Variants in DOCK8 observed in about 807,000 individuals in gnomAD.
DOCK8 encodes the protein dedicator of cytokinesis 8, also known as dedicator of cytokinesis protein 8.
A neutral mutation model predicts 245.6 loss-of-function variants in DOCK8; 141 were observed. The observed-to-expected ratio is 0.57, with a 90% confidence interval of 0.50 to 0.66. The LOEUF is 0.66. Among genes scored for constraint, DOCK8 ranks in the 30% least tolerant of loss-of-function variants. DOCK8 has a pLI of 0.00. For missense variants in DOCK8, 2,965 were observed against 2,603.4 expected, an observed-to-expected ratio of 1.14 and a Z score of -3.02; for synonymous variants, 1,168 against 970.2, an observed-to-expected ratio of 1.20 and a Z score of -3.79.
Position 302,202 on chromosome 9 carries a change from A to G in DOCK8, c.405-2379A>G, listed in dbSNP as rs1278179823. Among the ~76,000 whole-genome samples the G allele has an allele frequency of 4.6e-5, 7 of 152,340 alleles. No individual in the cohort carries two copies. The East Asian group carries it at 9.6e-4, about 21-fold the overall frequency. The stretch of plus-strand genomic sequence containing the variant: ...GAACCAGAAATAAAGCTGCACGCCT[A>G]CAGCCATCTGATCTTTGACGAAGTT... On this transcript the variant is annotated intron_variant, in intron 4 of 47. Transcript: ENST00000432829.
rs78376190 is a variant in DOCK8 at position 414,276 on chromosome 9, A to G, written c.3531-506A>G. Among the ~76,000 whole-genome samples, 148 of 152,394 alleles carry G rather than the reference A, an allele frequency of 9.7e-4. 2 individuals carry two copies. The East Asian group carries it at 0.025, about 26-fold the overall frequency. On this transcript the variant is annotated intron_variant, in intron 28 of 47. Transcript: ENST00000432829. Reference sequence around the variant, plus strand: ...AAGTCACAATAGCTCAAAAGCAGAAACAATCCAAATGTTTATCAGTTGATG... The same window carrying G: ...AAGTCACAATAGCTCAAAAGCAGAAGCAATCCAAATGTTTATCAGTTGATG...
chr9:329,522 T>C (rs954756008), intron 9 of DOCK8, among the ~76,000 whole-genome samples: 1 of 152,222 alleles, frequency 6.6e-6, no homozygotes, highest in African/African-American at 2.4e-5. Flanking sequence ...TTTAAGCTTA[T>C]AGAAGTATAG....
At position 333,471 on chromosome 9, in the gene DOCK8, C is replaced by T. The variant is rs187704987; in HGVS notation, c.1126-754C>T. Among the ~76,000 whole-genome samples the T allele has an allele frequency of 5.7e-3, 862 of 152,094 alleles. 1 individual carries two copies. Among genetic ancestry groups the T allele is most frequent in the Non-Finnish European group, 9.4e-3 (637 of 67,972 alleles). ...AAAAAATTAGCCGGGCATGGTGGCACGTGCCTGTATTCCCAGCTTCTCAGG... is the reference window on the plus strand; with the variant it reads ...AAAAAATTAGCCGGGCATGGTGGCATGTGCCTGTATTCCCAGCTTCTCAGG... On this transcript the variant is annotated intron_variant, in intron 10 of 47. Transcript: ENST00000432829.
intron 40 of DOCK8, among the ~76,000 whole-genome samples, chr9:440,734 G>GTTTTGT (rs546610194): frequency 2.2e-4 from 33 of 152,080 alleles, no homozygotes; most frequent in African/African-American, 6.3e-4. Flanking sequence ...TTTTCGTTTT[G>GTTTTGT]TTTTGTTTTT....
Position 326,916 on chromosome 9 carries a change from A to G in DOCK8, c.895-1106A>G, listed in dbSNP as rs568134566. On this transcript the variant is annotated intron_variant, in intron 8 of 47. Coordinates refer to ENST00000432829, the MANE Select transcript of DOCK8 (RefSeq NM_203447.4). ...GTCTCTGCCTGGGCAGCCACTCACC[A>G]CTAAAATTCTCATGGTGATGAAGGA... Among the ~76,000 whole-genome samples the G allele has an allele frequency of 1.2e-4, 18 of 152,318 alleles. No homozygotes were observed. The East Asian group carries it at 2.9e-3, about 24-fold the overall frequency.
At chr9:370,408 C>G in intron 16 of DOCK8, 108 bp downstream of exon 16, 1 of 964,406 alleles carries the variant, frequency 1.0e-6, no homozygotes, top group East Asian at 2.5e-5. Flanking sequence ...AATTCAGGGA[C>G]TGAGGGGCAA....
At chr9:404,227 A>AAGG (rs1326453143) in intron 26 of DOCK8, among the ~76,000 whole-genome samples, 1 of 151,788 alleles carries the variant, frequency 6.6e-6, no homozygotes, top group Non-Finnish European at 1.5e-5. Context: ...TGGGGGAAGC[A>AAGG]AGGGGTCTCT....
chr9:404,926 C>T lies in DOCK8; in HGVS notation c.3243C>T (p.Ala1081=), dbSNP rs1255825416. Residue 1081 remains alanine (A), a synonymous_variant, in exon 27 of 48, where the codon GCC becomes GCT. Transcript: ENST00000432829. ...TTCATTTTTCTTCCCAGCTGTCAGC[C>T]AAGCTCAGTAACCTTCCAACGCTCA... The part of the protein sequence containing the change: ...LIRHYCSQLS[A]KLSNLPTLIS... 6.2e-7 allele frequency: 1 copy of T among 1,613,946 alleles called. No homozygotes were observed. The highest frequency in any genetic ancestry group is 8.5e-7 in the Non-Finnish European group (1 of 1,180,024).
intron 26 of DOCK8, among the ~76,000 whole-genome samples, chr9:400,581 CCAT>C (rs1164093453): frequency 1.3e-4 from 11 of 85,376 alleles, no homozygotes; most frequent in East Asian, 1.1e-3. Flanking sequence ...ACCACCTCCA[CCAT>C]CACCACCACC....
At chr9:256,728 G>C (rs148981795) in intron 1 of DOCK8, among the ~76,000 whole-genome samples, 2 of 152,040 alleles carry the variant, frequency 1.3e-5, no homozygotes, top group African/African-American at 4.8e-5. Context: ...TGAAAGGATC[G>C]CTGGATAGGG....
chr9:430,112 C>T (rs774907607), intron 36 of DOCK8, among the ~76,000 whole-genome samples: 1 of 152,178 alleles, frequency 6.6e-6, no homozygotes, highest in Non-Finnish European at 1.5e-5. Flanking sequence ...CGATGGCTTT[C>T]ACCTATAATC....
intron 28 of DOCK8, among the ~76,000 whole-genome samples, chr9:411,238 C>T (rs2055710953): frequency 6.6e-6 from 1 of 152,084 alleles, no homozygotes; most frequent in Admixed American, 6.5e-5. Flanking sequence ...GGTGATGAAA[C>T]CCCGTCTCTA....
At chr9:330,204 T>G (rs2050945505) in intron 9 of DOCK8, among the ~76,000 whole-genome samples, 1 of 152,250 alleles carries the variant, frequency 6.6e-6, no homozygotes, top group African/African-American at 2.4e-5. Flanking sequence ...TGTGAAATTT[T>G]TTTTTAAAAA....
At chr9:445,041 T>C (rs1186948881) in intron 43 of DOCK8, among the ~76,000 whole-genome samples, 1 of 152,030 alleles carries the variant, frequency 6.6e-6, no homozygotes, top group African/African-American at 2.4e-5. Flanking sequence ...AATTGAAGAG[T>C]TTGTTTTTCT....
intron 1 of DOCK8, among the ~76,000 whole-genome samples, chr9:233,698 C>T (rs1365130684): frequency 1.3e-5 from 2 of 152,086 alleles, no homozygotes; most frequent in Non-Finnish European, 2.9e-5. Context: ...AAGTCTGTTT[C>T]ATCAGAGACT....
intron 35 of DOCK8, among the ~76,000 whole-genome samples, chr9:429,006 C>G (rs865884414): frequency 1.3e-5 from 2 of 152,202 alleles, no homozygotes; most frequent in Non-Finnish European, 2.9e-5. Context: ...CTCGCTCTAT[C>G]GCCCAGGCTG....
intron 28 of DOCK8, among the ~76,000 whole-genome samples, chr9:409,788 A>G (rs1270627857): frequency 6.6e-6 from 1 of 151,576 alleles, no homozygotes; most frequent in Non-Finnish European, 1.5e-5. Flanking sequence ...GAGTGAGAAC[A>G]TGCGGTGTTT....
intron 2 of DOCK8, among the ~76,000 whole-genome samples, chr9:285,989 G>A (rs780153483): frequency 2.6e-5 from 4 of 152,280 alleles, no homozygotes; most frequent in Middle Eastern, 3.4e-3. Flanking sequence ...CCAATGTATA[G>A]CATAACTTAG....
chr9:211,502 A>C (rs2046619508), upstream of DOCK8, among the ~76,000 whole-genome samples: 1 of 152,190 alleles, frequency 6.6e-6, no homozygotes, highest in African/African-American at 2.4e-5. Flanking sequence ...AAGAGGCTAC[A>C]GGCAGTGAAG....
Sources: allele counts gnomAD v4.1 joint callset (sites outside exome capture counted in the v4.1 genomes callset), GRCh38; gene constraint gnomAD v4.1.1; transcripts MANE v1.5; gene names NCBI Gene and HGNC (gene_info 2026-07-23, HGNC 2026-07-21).